Variants in ADK observed in about 807,000 individuals in gnomAD.
ADK encodes the protein adenosine kinase.
Under a neutral mutation model 44.7 loss-of-function variants are expected in ADK, and 24 were observed. The observed-to-expected ratio is 0.54, with a 90% CI of 0.39 to 0.76. The LOEUF is 0.76. ADK is among the 30% of genes least tolerant of loss of function. ADK has a pLI of 0.00. For missense variants in ADK, 321 were observed against 425.1 expected (o/e 0.76, Z 2.15); for synonymous variants, 128 against 142.6 (o/e 0.90, Z 0.73).
intron 7 of ADK, among the ~76,000 whole-genome samples, chr10:74,560,450 C>T (rs1016247004): frequency 3.3e-5 from 5 of 152,128 alleles, no homozygotes; most frequent in Admixed American, 6.5e-5. Context: ...GCTGACTGTA[C>T]AATCTAAGAA....
chr10:74,212,199 T>G (rs1222289350), intron 2 of ADK, among the ~76,000 whole-genome samples: 1 of 152,234 alleles, frequency 6.6e-6, no homozygotes, highest in East Asian at 1.9e-4. Context: ...TTTGCCCAAA[T>G]AGATGCTGTT....
intron 9 of ADK, among the ~76,000 whole-genome samples, chr10:74,631,226 C>CTG (rs1853404909): frequency 6.6e-6 from 1 of 150,932 alleles, no homozygotes; most frequent in Non-Finnish European, 1.5e-5. Context: ...TATATTTAAC[C>CTG]TGTGTGCGTG....
chr10:74,445,934 T>G (rs910176045), intron 6 of ADK, among the ~76,000 whole-genome samples: 2 of 152,064 alleles, frequency 1.3e-5, no homozygotes, highest in Non-Finnish European at 2.9e-5. Flanking sequence ...AATACATAAA[T>G]GGATGTTATA....
At chr10:74,559,644 TTC>T (rs1443125002) in intron 7 of ADK, among the ~76,000 whole-genome samples, 1 of 152,222 alleles carries the variant, frequency 6.6e-6, no homozygotes, top group Non-Finnish European at 1.5e-5. Context: ...CCAAATCATA[TTC>T]TCTGTTTAAA....
At chr10:74,291,509 T>G (rs540350555) in intron 3 of ADK, among the ~76,000 whole-genome samples, 144 of 152,184 alleles carry the variant, frequency 9.5e-4, no homozygotes, top group Middle Eastern at 3.4e-3. Flanking sequence ...ATTATATAGA[T>G]TGTTATGAGT....
chr10:74,261,856 G>C (rs1195809030), intron 3 of ADK, among the ~76,000 whole-genome samples: 5 of 146,860 alleles, frequency 3.4e-5, no homozygotes, highest in African/African-American at 1.3e-4. Context: ...TTTTTTCATT[G>C]TTCTGAGCAT....
chr10:74,688,934 C>T (rs975902262), intron 10 of ADK, among the ~76,000 whole-genome samples: 1 of 148,390 alleles, frequency 6.7e-6, no homozygotes, highest in East Asian at 2.1e-4. Context: ...ACTGATCATA[C>T]TACCTTTAGT....
chr10:74,229,043 A>G (rs1844651008), intron 3 of ADK, among the ~76,000 whole-genome samples: 1 of 152,238 alleles, frequency 6.6e-6, no homozygotes, highest in Admixed American at 6.5e-5. Context: ...TTCCCTTCTG[A>G]TAGTGAATGA....
rs112228374 is a variant in ADK, at chr10:74,346,640, G to GA, written c.273+31898dup. On this transcript the variant is annotated intron_variant, in intron 4 of 10. Coordinates refer to ENST00000539909, the MANE Select transcript of ADK (RefSeq NM_006721.4). ...AGTAGCTCTGCAGCTACCGATTTGG[G>GA]AAATACCTGAGGTTTTTTTTCCCCT... Among the ~76,000 whole-genome samples the GA allele has an allele frequency of 5.2e-3, 794 of 152,266 alleles. 12 individuals carry two copies. Among genetic ancestry groups the GA allele is most frequent in the African/African-American group, 0.017 (723 of 41,550 alleles).
At chr10:74,320,122 T>C (rs1201674175) in intron 4 of ADK, among the ~76,000 whole-genome samples, 1 of 152,228 alleles carries the variant, frequency 6.6e-6, no homozygotes, top group East Asian at 1.9e-4. Flanking sequence ...CCTGAAGGAC[T>C]CTCTTTAGCA....
At chr10:74,530,647 CA>C (rs1195472341) in intron 7 of ADK, 1 of 152,222 alleles carries the variant, frequency 6.6e-6, no homozygotes, top group East Asian at 1.9e-4. Flanking sequence ...TAACTAAGGC[CA>C]AGCACAGTGG....
intron 4 of ADK, among the ~76,000 whole-genome samples, chr10:74,364,542 C>T (rs1490011246): frequency 6.6e-6 from 1 of 152,138 alleles, no homozygotes; most frequent in Non-Finnish European, 1.5e-5. Flanking sequence ...CTTTTCCTGT[C>T]TTGCTTAGCT....
intron 6 of ADK, among the ~76,000 whole-genome samples, chr10:74,402,502 A>G (rs1324866204): frequency 6.6e-6 from 1 of 151,922 alleles, no homozygotes; most frequent in African/African-American, 2.4e-5. Flanking sequence ...TTGATCTTCA[A>G]TCACTGATAC....
At chr10:74,507,828 A>G (rs1262759993) in intron 6 of ADK, among the ~76,000 whole-genome samples, 1 of 152,116 alleles carries the variant, frequency 6.6e-6, no homozygotes, top group Non-Finnish European at 1.5e-5. Context: ...AAATAAAATA[A>G]TTACCCTCAT....
intron 3 of ADK, among the ~76,000 whole-genome samples, chr10:74,234,048 CAG>C (rs762171965): frequency 2.2e-4 from 34 of 152,214 alleles, no homozygotes; most frequent in Admixed American, 6.5e-4. Context: ...CTACAACAAA[CAG>C]AAATATTTTG....
At chr10:74,179,928 T>C (rs1374373127) in intron 1 of ADK, among the ~76,000 whole-genome samples, 1 of 152,176 alleles carries the variant, frequency 6.6e-6, no homozygotes, top group Non-Finnish European at 1.5e-5. Context: ...AACATTCCCA[T>C]TTTGTGCTCA....
intron 3 of ADK, among the ~76,000 whole-genome samples, chr10:74,301,857 AT>A (rs1840043234): frequency 6.6e-6 from 1 of 151,954 alleles, no homozygotes; most frequent in Non-Finnish European, 1.5e-5. Flanking sequence ...AAGTTCTTGC[AT>A]TTCGAAAATA....
At chr10:74,317,413 A>C (rs867066560) in intron 4 of ADK, among the ~76,000 whole-genome samples, 1 of 152,126 alleles carries the variant, frequency 6.6e-6, no homozygotes, top group East Asian at 1.9e-4. Flanking sequence ...GAAGCACTTA[A>C]TGTGAGTTTT....
At chr10:74,541,790 A>AC (rs1452468608) in intron 7 of ADK, among the ~76,000 whole-genome samples, 94 of 24,152 alleles carry the variant, frequency 3.9e-3, no homozygotes, top group Non-Finnish European at 5.3e-3. Flanking sequence ...GAGAACCCCC[A>AC]CACACCCCCC....
Sources: allele counts gnomAD v4.1 joint callset (sites outside exome capture counted in the v4.1 genomes callset), GRCh38; gene constraint gnomAD v4.1.1; transcripts MANE v1.5; gene names NCBI Gene and HGNC (gene_info 2026-07-23, HGNC 2026-07-21).